The following SLC16A7 variants were observed in gnomAD, a reference collection of about 807,000 sequenced individuals.
SLC16A7 encodes solute carrier family 16 member 7.
Under a neutral mutation model 34.9 loss-of-function variants are expected in SLC16A7, and 33 were observed. The observed-to-expected ratio is 0.94, with a 90% CI of 0.72 to 1.26. SLC16A7 has a LOEUF of 1.26. Among genes scored for constraint, SLC16A7 ranks in the 50% most tolerant of loss-of-function variants. SLC16A7 has a pLI of 0.00. For missense variants in SLC16A7, 573 were observed against 578.1 expected, an observed-to-expected ratio of 0.99 and a Z score of 0.09; for synonymous variants, 201 against 206.6, an observed-to-expected ratio of 0.97 and a Z score of 0.23.
At chr12:59,754,281 AC>A in intron 3 of SLC16A7, among the ~76,000 whole-genome samples, 1 of 152,152 alleles carries the variant, frequency 6.6e-6, no homozygotes, top group Non-Finnish European at 1.5e-5. Flanking sequence ...GGAAATAGAG[AC>A]CAAAAAAACC....
intron 3 of SLC16A7, among the ~76,000 whole-genome samples, chr12:59,747,820 A>G (rs939361590): frequency 2.0e-5 from 3 of 152,210 alleles, no homozygotes; most frequent in African/African-American, 7.2e-5. Context: ...AATAATTGCA[A>G]AACTCTTTCC....
At chr12:59,741,412 T>C (rs1592616948) in intron 3 of SLC16A7, among the ~76,000 whole-genome samples, 1 of 152,146 alleles carries the variant, frequency 6.6e-6, no homozygotes, top group African/African-American at 2.4e-5. Context: ...GCCAGAAATT[T>C]CCCCTTCTTT....
At chr12:59,775,587 G>A in intron 5 of SLC16A7, 112 bp downstream of exon 5, 2 of 734,740 alleles carry the variant, frequency 2.7e-6, no homozygotes, top group East Asian at 2.7e-5. Context: ...ATAGCCTGAA[G>A]GAATATGGGC....
chr12:59,615,019 AAAAT>A (rs559302692), intron 1 of SLC16A7, among the ~76,000 whole-genome samples: 15 of 150,738 alleles, frequency 1.0e-4, no homozygotes, highest in African/African-American at 2.9e-4. Flanking sequence ...TAAATAAATA[AAAAT>A]AAATAAATAA....
At chr12:59,633,517 T>G (rs1027652989) in intron 1 of SLC16A7, among the ~76,000 whole-genome samples, 4 of 151,982 alleles carry the variant, frequency 2.6e-5, no homozygotes, top group Non-Finnish European at 1.5e-5. Context: ...TTCATTTTTT[T>G]GCCACACTTA....
intron 3 of SLC16A7, among the ~76,000 whole-genome samples, chr12:59,709,391 C>T (rs1211230591): frequency 6.6e-6 from 1 of 151,492 alleles, no homozygotes; most frequent in East Asian, 1.9e-4. Flanking sequence ...GAACACTGAG[C>T]TTATTTTACT....
At chr12:59,648,618 A>G (rs1043152632) in intron 1 of SLC16A7, among the ~76,000 whole-genome samples, 1 of 152,206 alleles carries the variant, frequency 6.6e-6, no homozygotes, top group Admixed American at 6.5e-5. Context: ...ACAGAGAAAA[A>G]AAGTGAGGCT....
chr12:59,639,642 T>A (rs1193552836), intron 1 of SLC16A7, among the ~76,000 whole-genome samples: 1 of 152,112 alleles, frequency 6.6e-6, no homozygotes, highest in South Asian at 2.1e-4. Context: ...CATCTTGGCC[T>A]CCCAAAGTGC....
chr12:59,671,716 GTA>G (rs987980699), intron 2 of SLC16A7, among the ~76,000 whole-genome samples: 11 of 143,914 alleles, frequency 7.6e-5, no homozygotes, highest in East Asian at 6.0e-4. Context: ...ATATATATGT[GTA>G]TATATATGTG....
intron 1 of SLC16A7, among the ~76,000 whole-genome samples, chr12:59,604,305 G>A (rs902129686): frequency 2.6e-5 from 4 of 152,220 alleles, no homozygotes; most frequent in Admixed American, 2.0e-4. Context: ...TCTCAGGGCT[G>A]AACTTTCCTT....
chr12:59,716,193 G>A (rs1050454348), intron 3 of SLC16A7, among the ~76,000 whole-genome samples: 1 of 152,114 alleles, frequency 6.6e-6, no homozygotes, highest in African/African-American at 2.4e-5. Flanking sequence ...CATTCTGTTG[G>A]GTGGTGGTTT....
intron 3 of SLC16A7, among the ~76,000 whole-genome samples, chr12:59,727,144 A>G (rs1273360105): frequency 7.7e-6 from 1 of 130,580 alleles, no homozygotes; most frequent in Non-Finnish European, 1.6e-5. Context: ...TAAAAATATG[A>G]GATGGACATA....
At chr12:59,753,400 G>T (rs1565696938) in intron 3 of SLC16A7, among the ~76,000 whole-genome samples, 1 of 152,116 alleles carries the variant, frequency 6.6e-6, no homozygotes, top group African/African-American at 2.4e-5. Flanking sequence ...AAAATAAAAG[G>T]ATGGAAGAAG....
At chr12:59,658,519 G>A (rs1868655094) in intron 2 of SLC16A7, among the ~76,000 whole-genome samples, 1 of 152,042 alleles carries the variant, frequency 6.6e-6, no homozygotes, top group Non-Finnish European at 1.5e-5. Flanking sequence ...AATCACTGCT[G>A]TGAGTTAGTG....
At chr12:59,722,636 C>T (rs1875745200) in intron 3 of SLC16A7, among the ~76,000 whole-genome samples, 1 of 151,864 alleles carries the variant, frequency 6.6e-6, no homozygotes, top group Admixed American at 6.6e-5. Flanking sequence ...CTTTCCTTTA[C>T]CTGGAATGAT....
intron 2 of SLC16A7, among the ~76,000 whole-genome samples, chr12:59,696,159 T>C (rs1872266125): frequency 1.3e-5 from 2 of 151,954 alleles, no homozygotes; most frequent in Non-Finnish European, 2.9e-5. Context: ...ACTGTTTTTT[T>C]CAACAAAACC....
intron 1 of SLC16A7, among the ~76,000 whole-genome samples, chr12:59,628,135 C>G (rs993831442): frequency 5.9e-5 from 9 of 151,714 alleles, no homozygotes; most frequent in African/African-American, 1.9e-4. Flanking sequence ...CATAGCTCCT[C>G]TCTTTACTTT....
intron 3 of SLC16A7, among the ~76,000 whole-genome samples, chr12:59,764,269 A>G (rs1046567055): frequency 3.3e-5 from 5 of 152,174 alleles, no homozygotes; most frequent in African/African-American, 4.8e-5. Flanking sequence ...ACTGTCTTCA[A>G]TTCTACTGAA....
chr12:59,684,602 A>G (rs1403414290), intron 2 of SLC16A7, among the ~76,000 whole-genome samples: 1 of 152,156 alleles, frequency 6.6e-6, no homozygotes, highest in Admixed American at 6.6e-5. Flanking sequence ...CAAGGAACAC[A>G]GAGCTACTTT....
Sources: gnomAD v4.1 joint callset for allele counts (sites outside exome capture counted in the v4.1 genomes callset) on GRCh38, gnomAD v4.1.1 for gene constraint, MANE v1.5 for transcripts, NCBI Gene and HGNC (gene_info 2026-07-23, HGNC 2026-07-21) for gene names.